The following CCDC150 variants were observed in gnomAD, a reference collection of about 807,000 sequenced individuals.
CCDC150 encodes the protein coiled-coil domain containing 150.
In CCDC150, 151 loss-of-function variants were observed where a neutral mutation model predicts 156.5. The observed-to-expected ratio is 0.97, with a 90% CI of 0.85 to 1.10. CCDC150 has a LOEUF of 1.10. Among genes scored for constraint, CCDC150 ranks in the 50% least tolerant of loss-of-function variants. CCDC150 has a pLI of 0.00. For missense variants in CCDC150, 1,312 were observed against 1,268.1 expected (o/e 1.03, Z -0.53); for synonymous variants, 452 against 429.4 (o/e 1.05, Z -0.65).
At chr2:196,644,160 A>T (rs1692398551) in intron 1 of CCDC150, among the ~76,000 whole-genome samples, 1 of 152,086 alleles carries the variant, frequency 6.6e-6, no homozygotes. Context: ...TTCTGCCCAA[A>T]GTCTCTTTGG....
chr2:196,728,652 T>C (rs1698349284), intron 22 of CCDC150, among the ~76,000 whole-genome samples: 2 of 152,238 alleles, frequency 1.3e-5, no homozygotes, highest in Admixed American at 6.5e-5. Flanking sequence ...CTGACAGATA[T>C]TTATATAAAC....
chr2:196,703,006 G>A (rs1319205513), intron 15 of CCDC150, among the ~76,000 whole-genome samples: 1 of 152,184 alleles, frequency 6.6e-6, no homozygotes, highest in Non-Finnish European at 1.5e-5. Flanking sequence ...ATTCACCCAT[G>A]TGAGACTGCA....
chr2:196,714,026 A>G (rs903019697), intron 17 of CCDC150, among the ~76,000 whole-genome samples: 2 of 152,182 alleles, frequency 1.3e-5, no homozygotes, highest in Non-Finnish European at 2.9e-5. Flanking sequence ...AAGAAATTTA[A>G]CATTGGAAAA....
At chr2:196,731,536 A>G (rs1559285381) in intron 26 of CCDC150, among the ~76,000 whole-genome samples, 1 of 150,440 alleles carries the variant, frequency 6.6e-6, no homozygotes, top group African/African-American at 2.4e-5. Flanking sequence ...GTAGCTGGGC[A>G]TGGTGGTGCA....
In CCDC150 at chr2:196,678,657, C is replaced by T. The variant is rs149331938; in HGVS notation, c.1509+1296C>T. ...GTGGCTCACACCTGTAATCCCAGCA[C>T]GTTGGGAGGCTGAGGCAGGCAGATC... On this transcript the variant is annotated intron_variant, in intron 13 of 27. Coordinates refer to ENST00000389175, the MANE Select transcript of CCDC150 (RefSeq NM_001080539.2). 4.6e-3 allele frequency among the ~76,000 whole-genome samples: 704 copies of T among 152,134 alleles called. 13 individuals carry two copies. Among genetic ancestry groups the T allele is most frequent in the Admixed American group, 6.5e-3 (100 of 15,278 alleles).
intron 14 of CCDC150, among the ~76,000 whole-genome samples, chr2:196,698,543 G>C (rs1414521932): frequency 6.6e-6 from 1 of 152,102 alleles, no homozygotes; most frequent in Non-Finnish European, 1.5e-5. Context: ...ATTTCAAGAA[G>C]ATAGTTATAT....
At chr2:196,706,645 C>T (rs1191274161) in intron 15 of CCDC150, among the ~76,000 whole-genome samples, 2 of 152,030 alleles carry the variant, frequency 1.3e-5, no homozygotes, top group African/African-American at 2.4e-5. Context: ...TATTGGCTGT[C>T]AGTTTTTCAT....
At chr2:196,646,313 C>T in intron 1 of CCDC150, 28 bp from the exon 2 acceptor site, 10 of 1,607,430 alleles carry the variant, frequency 6.2e-6, no homozygotes, top group Non-Finnish European at 8.5e-6. Flanking sequence ...TAGGACCTAC[C>T]ACACTAAGAT....
chr2:196,643,680 G>A (rs1692370109), intron 1 of CCDC150, among the ~76,000 whole-genome samples: 1 of 152,096 alleles, frequency 6.6e-6, no homozygotes, highest in Non-Finnish European at 1.5e-5. Flanking sequence ...TTAGTATTAT[G>A]TGCTTGGCTT....
chr2:196,701,734 G>A (rs1304024041), intron 15 of CCDC150, among the ~76,000 whole-genome samples: 5 of 152,160 alleles, frequency 3.3e-5, no homozygotes, highest in Non-Finnish European at 7.3e-5. Flanking sequence ...CCTCATGCTG[G>A]GAAGTGTATG....
At chr2:196,647,662 A>C (rs1692626727) in intron 2 of CCDC150, among the ~76,000 whole-genome samples, 1 of 152,112 alleles carries the variant, frequency 6.6e-6, no homozygotes, top group South Asian at 2.1e-4. Context: ...TTTATGGGGT[A>C]AATGTGACGC....
chr2:196,729,207 T>G lies in CCDC150; in HGVS notation c.2571T>G (p.Leu857=), dbSNP rs1375622809. ...TGTGTTTTAAGCTGAAGAAAGCCCT[T>G]GATGAAGCTAACTTCAGATCAGTGG... The part of the protein sequence containing the change: ...QREVAELKKA[L]DEANFRSVEV... The change falls in exon 23 of 28, where the codon CTT becomes CTG. Residue 857 remains leucine (L), a synonymous_variant. Transcript: ENST00000389175. 1 of 1,610,238 alleles carries G rather than the reference T, an allele frequency of 6.2e-7. No individual in the cohort carries two copies. Among genetic ancestry groups the G allele is most frequent in the Non-Finnish European group, 8.5e-7 (1 of 1,178,938 alleles).
intron 7 of CCDC150, among the ~76,000 whole-genome samples, chr2:196,668,652 G>A (rs1228999085): frequency 6.6e-6 from 1 of 152,120 alleles, no homozygotes; most frequent in East Asian, 1.9e-4. Flanking sequence ...TTAATAAAAG[G>A]AATGCCTTTA....
In CCDC150 at chr2:196,666,769, C is replaced by T. The variant is rs371682362; in HGVS notation, c.813C>T (p.Ser271=). ...TTGCTCTACGTGATTCTATACAGAG[C>T]GCTCAAGAACTACTGGCCCAGGAAC... ...NCIALRDSIQ[S]AQELLAQEQK... is the part of the protein sequence containing the mutation. Residue 271 remains serine, a synonymous_variant, in exon 7 of 28, where the codon AGC becomes AGT. Transcript: ENST00000389175. 51 of 1,612,262 alleles carry T rather than the reference C, an allele frequency of 3.2e-5. No homozygotes were observed. The African/African-American group carries it at 3.9e-4, about 12-fold the overall frequency.
chr2:196,718,113 A>G (rs1697650254), intron 17 of CCDC150, among the ~76,000 whole-genome samples: 1 of 152,094 alleles, frequency 6.6e-6, no homozygotes. Flanking sequence ...TGTTTTCTTG[A>G]ATTTTCTTGT....
At chr2:196,693,160 T>A (rs1001240906) in intron 13 of CCDC150, among the ~76,000 whole-genome samples, 1 of 152,236 alleles carries the variant, frequency 6.6e-6, no homozygotes, top group East Asian at 1.9e-4. Flanking sequence ...TCCATTTGCT[T>A]GGTAGATTCT....
chr2:196,663,685 C>G (rs560371975), intron 5 of CCDC150, among the ~76,000 whole-genome samples: 2 of 152,018 alleles, frequency 1.3e-5, no homozygotes, highest in Admixed American at 6.5e-5. Context: ...TTATGCATTT[C>G]CAAAATGAGC....
chr2:196,702,694 C>A (rs1453126987), intron 15 of CCDC150, among the ~76,000 whole-genome samples: 3 of 151,608 alleles, frequency 2.0e-5, no homozygotes, highest in Non-Finnish European at 4.4e-5. Flanking sequence ...TCCAATGTTA[C>A]AACCATAGTT....
intron 17 of CCDC150, among the ~76,000 whole-genome samples, chr2:196,717,417 C>T (rs1273557130): frequency 1.3e-5 from 2 of 151,896 alleles, no homozygotes; most frequent in Non-Finnish European, 2.9e-5. Flanking sequence ...GATAAAATTG[C>T]ATGGAACTGT....
Sources: gnomAD v4.1 joint callset for allele counts (sites outside exome capture counted in the v4.1 genomes callset) on GRCh38, gnomAD v4.1.1 for gene constraint, MANE v1.5 for transcripts, NCBI Gene and HGNC (gene_info 2026-07-23, HGNC 2026-07-21) for gene names.